Variants in MAPK13 observed in about 807,000 individuals in gnomAD.
MAPK13 encodes the protein MAP kinase 13.
Under a neutral mutation model 53.5 loss-of-function variants are expected in MAPK13, and 39 were observed. The ratio of observed to expected loss-of-function variants is 0.73; its 90% CI spans 0.56 to 0.95. The LOEUF (loss-of-function observed/expected upper bound fraction) is 0.95. Ranked by LOEUF, MAPK13 falls within the 40% of genes least tolerant of loss-of-function variation. The pLI, the probability that MAPK13 is intolerant of heterozygous loss-of-function variation, is 0.00. For missense variants in MAPK13, 460 were observed against 471.8 expected, an observed-to-expected ratio of 0.98 and a Z score of 0.23; for synonymous variants, 179 against 190.9, an observed-to-expected ratio of 0.94 and a Z score of 0.51.
At chr6:36,136,600 T>C in intron 6 of MAPK13, 56 bp from the exon 7 acceptor site, 6 of 1,606,666 alleles carry the variant, frequency 3.7e-6, no homozygotes, top group Non-Finnish European at 5.1e-6. Flanking sequence ...TGGAAGCCGC[T>C]CCCAGAGCCT....
chr6:36,134,283 A>G (rs1363666922), intron 3 of MAPK13, among the ~76,000 whole-genome samples: 1 of 152,214 alleles, frequency 6.6e-6, no homozygotes, highest in African/African-American at 2.4e-5. Flanking sequence ...GCCAAAATCC[A>G]GAGTCTCCTG....
At position 36,136,995 on chromosome 6, in the gene MAPK13, C is replaced by T. The variant is rs376086612; in HGVS notation, c.682+45C>T. On this transcript the variant is annotated intron_variant, in intron 8 of 11. Transcript: ENST00000211287. ...CCAAACTCCATCTAGGGATTCCTTCCTTCAACAGACACTTTATTTAAATAA... is the reference window on the plus strand; with the variant it reads ...CCAAACTCCATCTAGGGATTCCTTCTTTCAACAGACACTTTATTTAAATAA... 9.2e-5 allele frequency: 137 copies of T among 1,496,544 alleles called. No individual in the cohort carries two copies. In the African/African-American group the frequency reaches 1.7e-3, roughly 18 times the overall value. 92.7% of individuals were successfully genotyped at this position (1,496,544 alleles called of 1,614,324 possible). A position where few individuals can be genotyped will look rare whatever the true frequency, so the allele number is the denominator to read the frequency against.
rs955189086 is a variant in MAPK13, at chr6:36,138,521, G to A, written c.762+77G>A. On this transcript the variant is annotated intron_variant, in intron 9 of 11. Transcript: ENST00000211287. Reference sequence around the variant, plus strand: ...TGGGCCCAGTGGGCTGCAGGCCTTTGTGGAAGAAGGCTCACCAGCACCTTC... The same window carrying A: ...TGGGCCCAGTGGGCTGCAGGCCTTTATGGAAGAAGGCTCACCAGCACCTTC... 39 of 1,453,802 alleles carry A rather than the reference G, an allele frequency of 2.7e-5. No homozygotes were observed. In the South Asian group the frequency reaches 2.7e-4, roughly 10 times the overall value. The allele number at this position is 1,453,802 out of a possible 1,614,324, so 90.1% of individuals were successfully genotyped here.
intron 3 of MAPK13, 116 bp downstream of exon 3, chr6:36,132,795 C>A: frequency 1.9e-6 from 2 of 1,028,918 alleles, no homozygotes; most frequent in Non-Finnish European, 3.0e-6. Flanking sequence ...AGCCTCCTTC[C>A]CTGGCAGTCC....
In MAPK13 at chr6:36,143,279, G is replaced by A. The variant is rs1766568073; in HGVS notation, c.*3906G>A. 6.6e-6 allele frequency: 1 copy of A among 152,136 alleles called. No individual in the cohort carries two copies. The highest frequency in any genetic ancestry group is 2.4e-5 in the African/African-American group (1 of 41,404). The allele number at this position is 152,136 out of a possible 1,614,324, so 9.4% of individuals were successfully genotyped here. On this transcript the variant is annotated 3_prime_UTR_variant, in exon 12 of 12. Coordinates refer to ENST00000211287, the MANE Select transcript of MAPK13 (RefSeq NM_002754.5). ...TGGGGTGGTGCTGCCCCCAGTGAGG[G>A]GCAGCACAAGGGGAGACAGAAATGG... is the stretch of plus-strand genomic sequence containing the variant.
rs920752503 is a variant in MAPK13 at position 36,143,984 on chromosome 6, C to A, written c.*4611C>A. The A allele has an allele frequency of 6.6e-6, 1 of 152,112 alleles. No individual in the cohort carries two copies. Among genetic ancestry groups the A allele is most frequent in the African/African-American group, 2.4e-5 (1 of 41,406 alleles). The allele number at this position is 152,112 out of a possible 1,614,324, so 9.4% of individuals were successfully genotyped here. ...CTTGGCCATTTTTTGTGCCATGGAT[C>A]GCTTCTCAAAATCATATTTTCTTTT... On this transcript the variant is annotated 3_prime_UTR_variant, in exon 12 of 12. Transcript: ENST00000211287.
intron 2 of MAPK13, 150 bp downstream of exon 2, chr6:36,131,550 G>A (rs1561787487): frequency 6.5e-6 from 5 of 770,610 alleles, no homozygotes; most frequent in South Asian, 1.8e-5. Context: ...AAAGGAGGGG[G>A]TGCCGAGACC....
chr6:36,141,865 G>C lies in MAPK13; in HGVS notation c.*2492G>C, dbSNP rs945424699. 3.3e-5 allele frequency: 5 copies of C among 152,280 alleles called. No individual in the cohort carries two copies. Among genetic ancestry groups the C allele is most frequent in the African/African-American group, 1.2e-4 (5 of 41,436 alleles). 9.4% of individuals were successfully genotyped at this position (152,280 alleles called of 1,614,324 possible). On this transcript the variant is annotated 3_prime_UTR_variant, in exon 12 of 12. Coordinates refer to ENST00000211287, the MANE Select transcript of MAPK13 (RefSeq NM_002754.5). ...ACTGCTGACTGTGTCCATGGTCTCTGTTTTCTCTCCCACAGAATGGCCCTG... is the reference window on the plus strand; with the variant it reads ...ACTGCTGACTGTGTCCATGGTCTCTCTTTTCTCTCCCACAGAATGGCCCTG...
chr6:36,138,070 G>A (rs1330194521), intron 8 of MAPK13, among the ~76,000 whole-genome samples: 1 of 152,140 alleles, frequency 6.6e-6, no homozygotes, highest in Non-Finnish European at 1.5e-5. Context: ...TGTGTGTGCA[G>A]GGCAGGCCTT....
rs1252002709 is a variant in MAPK13, at chr6:36,137,291, A to G, written c.682+341A>G. 2.6e-5 allele frequency among the ~76,000 whole-genome samples: 4 copies of G among 152,014 alleles called. No homozygotes were observed. The East Asian group carries it at 5.8e-4, about 22-fold the overall frequency. On this transcript the variant is annotated intron_variant, in intron 8 of 11. Coordinates refer to ENST00000211287, the MANE Select transcript of MAPK13 (RefSeq NM_002754.5). ...AGCACTCTGGGAGGCTGAGGCGGGC[A>G]GATCATGAGGTCAGGAGATCGAGAC...
Position 36,142,206 on chromosome 6 carries a change from G to A in MAPK13, c.*2833G>A, listed in dbSNP as rs1766544752. ...GTTAAAGGTCTTGACAAGTCCTGCA[G>A]TAAAGAGATCCGTTCCTCATTTAAT... On this transcript the variant is annotated 3_prime_UTR_variant, in exon 12 of 12. Coordinates refer to ENST00000211287, the MANE Select transcript of MAPK13 (RefSeq NM_002754.5). This position sits in a 1 kb window ranked among gnomAD's most constrained non-coding sequence, Gnocchi z 4.4. 6.6e-6 allele frequency: 1 copy of A among 152,284 alleles called. No homozygotes were observed. Among genetic ancestry groups the A allele is most frequent in the Non-Finnish European group, 1.5e-5 (1 of 68,076 alleles). The allele number at this position is 152,284 out of a possible 1,614,324, so 9.4% of individuals were successfully genotyped here. A position where few individuals can be genotyped will look rare whatever the true frequency, so the allele number is the denominator to read the frequency against.
At chr6:36,132,223 G>A (rs1313524422) in intron 2 of MAPK13, among the ~76,000 whole-genome samples, 2 of 152,222 alleles carry the variant, frequency 1.3e-5, no homozygotes, top group Non-Finnish European at 2.9e-5. Flanking sequence ...AAGGTCAGGG[G>A]CAGGGAGTTT....
In MAPK13 at chr6:36,132,664, G is replaced by T; in HGVS notation, c.293G>T (p.Arg98Leu). ...LDVFTPASSLRNFYDFYLVMP... is the reference protein window; with the variant it reads ...LDVFTPASSLLNFYDFYLVMP... ...GTCTTCACCCCAGCCTCCTCCCTGC[G>T]CAACTTCTATGACTTGTGAGTTGGG... The change falls in exon 3 of 12, where the codon CGC becomes CTC. Residue 98 changes from arginine (R) to leucine (L), a missense_variant. Transcript: ENST00000211287. 2 of 1,614,182 alleles carry T rather than the reference G, an allele frequency of 1.2e-6. No homozygotes were observed. The highest frequency in any genetic ancestry group is 1.7e-6 in the Non-Finnish European group (2 of 1,180,024).
chr6:36,138,319 T>C, intron 8 of MAPK13, 46 bp from the exon 9 acceptor site: 1 of 1,504,948 alleles, frequency 6.6e-7, no homozygotes, highest in Non-Finnish European at 9.2e-7. Context: ...AAGGGCAGTC[T>C]CAGACCCACC....
chr6:36,136,430 G>C, intron 5 of MAPK13, 54 bp from the exon 6 acceptor site: 1 of 1,482,254 alleles, frequency 6.7e-7, no homozygotes, highest in South Asian at 1.4e-5. Context: ...GGTGGAGCTA[G>C]GACAAGCTCC....
chr6:36,144,128 A>C lies in MAPK13; in HGVS notation c.*4755A>C, dbSNP rs1766586713. ...GGTGATCCTCCCACCTCAGCCTCCC[A>C]AGTAGCTGGGACTATAGGCATGCAC... On this transcript the variant is annotated 3_prime_UTR_variant, in exon 12 of 12. Coordinates refer to ENST00000211287, the MANE Select transcript of MAPK13 (RefSeq NM_002754.5). 1 of 152,144 alleles carries C rather than the reference A, an allele frequency of 6.6e-6. No individual in the cohort carries two copies. Among genetic ancestry groups the C allele is most frequent in the African/African-American group, 2.4e-5 (1 of 41,440 alleles). 9.4% of individuals were successfully genotyped at this position (152,144 alleles called of 1,614,324 possible).
chr6:36,138,979 T>C lies in MAPK13; in HGVS notation c.942T>C (p.Pro314=), dbSNP rs567625829. 72 of 1,613,806 alleles carry C rather than the reference T, an allele frequency of 4.5e-5. 1 individual carries two copies. The East Asian group carries it at 1.5e-3, about 33-fold the overall frequency. ...CCTTCTTTGAACCCTTCCGGGACCC[T>C]GAGGAAGAGACGGAGGCCCAGCAGC... The part of the protein sequence containing the change: ...THPFFEPFRD[P]EEETEAQQPF... The change falls in exon 11 of 12, where the codon CCT becomes CCC. Residue 314 remains proline (P), a synonymous_variant. Coordinates refer to ENST00000211287, the MANE Select transcript of MAPK13 (RefSeq NM_002754.5).
At position 36,136,005 on chromosome 6, in the gene MAPK13, T is replaced by C. The variant is rs1039132337; in HGVS notation, c.418-14T>C. ...GCTGGGCCATGGACTCACCCTTCTC[T>C]CTCTCCCACATAGTACATCCACTCT... On this transcript the variant is annotated splice_polypyrimidine_tract_variant and intron_variant, in intron 4 of 11. Transcript: ENST00000211287. The C allele has an allele frequency of 1.2e-6, 2 of 1,614,064 alleles. No individual in the cohort carries two copies. Among genetic ancestry groups the C allele is most frequent in the South Asian group, 2.2e-5 (2 of 91,086 alleles).
Position 36,139,427 on chromosome 6 carries a change from G to A in MAPK13, c.*54G>A. 6.9e-7 allele frequency: 1 copy of A among 1,449,116 alleles called. No individual in the cohort carries two copies. Among genetic ancestry groups the A allele is most frequent in the Non-Finnish European group, 9.7e-7 (1 of 1,030,734 alleles). The allele number at this position is 1,449,116 out of a possible 1,614,324, so 89.8% of individuals were successfully genotyped here. ...AGACACTGCCCAAGGACCAGTATTT[G>A]TCACTACCAAACTCAGCCCTTCTTG... On this transcript the variant is annotated 3_prime_UTR_variant, in exon 12 of 12. Coordinates refer to ENST00000211287, the MANE Select transcript of MAPK13 (RefSeq NM_002754.5).
Sources: allele counts gnomAD v4.1 joint callset (sites outside exome capture counted in the v4.1 genomes callset), GRCh38; gene constraint gnomAD v4.1.1; non-coding constraint Gnocchi (gnomAD v3.1); transcripts MANE v1.5; gene names NCBI Gene and HGNC (gene_info 2026-07-23, HGNC 2026-07-21).